The following AFF3 variants were observed in gnomAD, a reference collection of about 807,000 sequenced individuals.
The protein encoded by AFF3 is AF4/FMR2 family member 3.
Under a neutral mutation model 129.7 loss-of-function variants are expected in AFF3, and 32 were observed. The ratio of observed to expected loss-of-function variants is 0.25; its 90% CI spans 0.19 to 0.33. The LOEUF (loss-of-function observed/expected upper bound fraction) is 0.33. Ranked by LOEUF, AFF3 falls within the 10% of genes least tolerant of loss-of-function variation. The pLI is 1.00. For synonymous variants in AFF3, 644 were observed against 635.4 expected (o/e 1.01, Z -0.20); for missense variants, 1,373 against 1,592.0 (o/e 0.86, Z 2.34).
At chr2:99,572,290 A>ACCCCC (rs1466407708) in intron 18 of AFF3, among the ~76,000 whole-genome samples, 1 of 45,364 alleles carries the variant, frequency 2.2e-5, no homozygotes, top group African/African-American at 9.5e-5. Context: ...TCCCCCTCCC[A>ACCCCC]CCACCCCCCC....
chr2:100,006,501 T>A, intron 7 of AFF3, 131 bp downstream of exon 7: 1 of 1,179,178 alleles, frequency 8.5e-7, no homozygotes, highest in South Asian at 2.0e-5. Flanking sequence ...TTTCAGTGAC[T>A]GCTACAAATC....
chr2:99,661,295 C>T (rs1375292830), intron 12 of AFF3, among the ~76,000 whole-genome samples: 2 of 152,218 alleles, frequency 1.3e-5, no homozygotes, highest in African/African-American at 2.4e-5. Flanking sequence ...CTAATGATGC[C>T]TAACCCCTCT....
intron 8 of AFF3, among the ~76,000 whole-genome samples, chr2:99,779,940 C>T (rs893677714): frequency 1.3e-5 from 2 of 150,914 alleles, no homozygotes; most frequent in Non-Finnish European, 2.9e-5. Flanking sequence ...GAGAGTGTTA[C>T]AGTTATACTG....
chr2:99,932,189 C>T (rs1674038088), intron 7 of AFF3, among the ~76,000 whole-genome samples: 1 of 152,028 alleles, frequency 6.6e-6, no homozygotes, highest in African/African-American at 2.4e-5. Context: ...TTTCTTAAAA[C>T]ATTATGAGAT....
chr2:100,076,991 G>A (rs552081795), intron 4 of AFF3, among the ~76,000 whole-genome samples: 1 of 152,262 alleles, frequency 6.6e-6, no homozygotes, highest in East Asian at 1.9e-4. Flanking sequence ...GCTCACACCT[G>A]TAATCCTAGC....
intron 7 of AFF3, among the ~76,000 whole-genome samples, chr2:99,934,578 C>G (rs1462797482): frequency 6.6e-6 from 1 of 152,172 alleles, no homozygotes; most frequent in Admixed American, 6.5e-5. Flanking sequence ...CACAAAACCT[C>G]TAACTACAGG....
intron 8 of AFF3, among the ~76,000 whole-genome samples, chr2:99,775,403 T>C (rs1185862297): frequency 3.3e-5 from 5 of 152,176 alleles, no homozygotes; most frequent in African/African-American, 1.2e-4. Context: ...ATGTCCTTTG[T>C]AGGGACCTGG....
chr2:99,842,814 A>G (rs1489450820), intron 7 of AFF3, among the ~76,000 whole-genome samples: 1 of 152,240 alleles, frequency 6.6e-6, no homozygotes, highest in East Asian at 1.9e-4. Context: ...GAATATGGGG[A>G]GAAGCAGGGC....
intron 8 of AFF3, among the ~76,000 whole-genome samples, chr2:99,819,985 C>T (rs528421911): frequency 6.6e-6 from 1 of 152,194 alleles, no homozygotes; most frequent in Non-Finnish European, 1.5e-5. Context: ...TGGAAGGCAG[C>T]ACAGCACAGG....
chr2:100,057,541 A>G (rs146044416), intron 4 of AFF3, among the ~76,000 whole-genome samples: 65 of 152,234 alleles, frequency 4.3e-4, no homozygotes, highest in African/African-American at 1.5e-3. Flanking sequence ...ATCATTGCCA[A>G]TATTACTATC....
intron 2 of AFF3, among the ~76,000 whole-genome samples, chr2:100,118,841 T>G (rs538346218): frequency 1.3e-5 from 2 of 151,264 alleles, no homozygotes; most frequent in African/African-American, 4.9e-5. Flanking sequence ...AGACAGAGTC[T>G]CGCTCTGTCG....
At chr2:99,689,569 C>A (rs1028214609) in intron 11 of AFF3, among the ~76,000 whole-genome samples, 7 of 148,282 alleles carry the variant, frequency 4.7e-5, no homozygotes, top group African/African-American at 1.5e-4. Context: ...TCTGCCTACT[C>A]ATGTGCTTCT....
At chr2:100,004,382 T>G (rs1681748039) in intron 7 of AFF3, among the ~76,000 whole-genome samples, 1 of 152,202 alleles carries the variant, frequency 6.6e-6, no homozygotes, top group Non-Finnish European at 1.5e-5. Context: ...ATAAAAATAT[T>G]TATTCCCTCA....
intron 10 of AFF3, among the ~76,000 whole-genome samples, chr2:99,740,893 T>C (rs920695869): frequency 5.9e-5 from 9 of 152,242 alleles, no homozygotes; most frequent in Non-Finnish European, 1.3e-4. Context: ...ATGTCCTGAA[T>C]AGTAATGCCT....
Position 99,547,491 on chromosome 2 carries a change from C to T in AFF3, c.*3983G>A, listed in dbSNP as rs1249707978. The T allele has an allele frequency of 1.6e-5, 3 of 183,980 alleles. No homozygotes were observed. Among genetic ancestry groups the T allele is most frequent in the African/African-American group, 8.1e-5 (3 of 36,990 alleles). The allele number at this position is 183,980 out of a possible 1,614,324, so 11.4% of individuals were successfully genotyped here. On this transcript the variant is annotated 3_prime_UTR_variant, in exon 25 of 25. Coordinates refer to ENST00000672756, the MANE Select transcript of AFF3 (RefSeq NM_001386135.1). ...AGAGTGTCTACATTGTTAAAAAAAT[C>T]TTGCTTTTTTTTTTTTTTGGTGATG...
At position 100,007,007 on chromosome 2, in the gene AFF3, G is replaced by T. The variant is rs985255040; in HGVS notation, c.498C>A (p.Gly166=). The T allele has an allele frequency of 3.7e-6, 6 of 1,607,486 alleles. No individual in the cohort carries two copies. The African/African-American group carries it at 8.0e-5, about 22-fold the overall frequency. Residue 166 remains glycine, a synonymous_variant, in exon 7 of 25, where the codon GGC becomes GGA. Transcript: ENST00000672756. ...SDGQQRATQQ[G]SLRTLLGDGV... Reference sequence around the variant, plus strand: ...CATCTCCAAGCAAGGTCCTGAGAGAGCCCTGTTGTGCTGAGTTGGAAGAAG... The same window carrying T: ...CATCTCCAAGCAAGGTCCTGAGAGATCCCTGTTGTGCTGAGTTGGAAGAAG...
intron 1 of AFF3, among the ~76,000 whole-genome samples, chr2:100,130,157 A>G (rs1291033484): frequency 1.3e-5 from 2 of 152,222 alleles, no homozygotes; most frequent in African/African-American, 4.8e-5. Flanking sequence ...TGATTGAGAT[A>G]GGAGTCTCCA....
chr2:99,947,807 A>G (rs979122268), intron 7 of AFF3, among the ~76,000 whole-genome samples: 2 of 152,034 alleles, frequency 1.3e-5, no homozygotes, highest in Non-Finnish European at 2.9e-5. Flanking sequence ...TGGAGATAAG[A>G]GGGTTGGACA....
intron 7 of AFF3, among the ~76,000 whole-genome samples, chr2:99,962,850 A>AAATGATAATAAT (rs1553489916): frequency 2.1e-5 from 3 of 142,082 alleles, no homozygotes; most frequent in Non-Finnish European, 4.6e-5. Context: ...AAGAGTATTC[A>AAATGATAATAAT]AATAATAATA....
Sources: gnomAD v4.1 joint callset for allele counts (sites outside exome capture counted in the v4.1 genomes callset) on GRCh38, gnomAD v4.1.1 for gene constraint, MANE v1.5 for transcripts, NCBI Gene and HGNC (gene_info 2026-07-23, HGNC 2026-07-21) for gene names.